Variants in DSCAML1 observed in about 807,000 individuals in gnomAD.
DSCAML1 encodes cell adhesion molecule DSCAML1.
A neutral mutation model predicts 200.5 loss-of-function variants in DSCAML1; 38 were observed. The observed-to-expected ratio is 0.19, with a 90% CI of 0.15 to 0.25. DSCAML1 has a LOEUF of 0.25. DSCAML1 is among the 10% of genes least tolerant of loss of function. The probability of loss-of-function intolerance (pLI) is 1.00; values close to 1 mark genes in which losing one functional copy is unlikely to be tolerated. For missense variants in DSCAML1, 2,223 were observed against 2,858.8 expected, an observed-to-expected ratio of 0.78 and a Z score of 5.07; for synonymous variants, 1,215 against 1,165.0, an observed-to-expected ratio of 1.04 and a Z score of -0.87.
intron 3 of DSCAML1, among the ~76,000 whole-genome samples, chr11:117,720,588 CCTT>C (rs2054026809): frequency 6.6e-6 from 1 of 152,232 alleles, no homozygotes; most frequent in African/African-American, 2.4e-5. Context: ...GCTTCCTCCT[CCTT>C]CTCACTTCCC....
At chr11:117,466,413 TAGAA>T (rs2048580595) in intron 16 of DSCAML1, among the ~76,000 whole-genome samples, 1 of 151,996 alleles carries the variant, frequency 6.6e-6, no homozygotes, top group Admixed American at 6.6e-5. Flanking sequence ...CAGAAGAAAA[TAGAA>T]AGGCCAGGTG....
At position 117,675,697 on chromosome 11, in the gene DSCAML1, C is replaced by G. The variant is rs574828521; in HGVS notation, c.511+101094G>C. Among the ~76,000 whole-genome samples, 9 of 152,032 alleles carry G rather than the reference C, an allele frequency of 5.9e-5. No homozygotes were observed. In the South Asian group the frequency reaches 1.5e-3, roughly 25 times the overall value. ...GTTGGTTTTCTAAGTGCAGGTCCCC[C>G]CTTTCCCCCCAGCAAAGGCCAAAAC... On this transcript the variant is annotated intron_variant, in intron 3 of 32. Coordinates refer to ENST00000651296, the MANE Select transcript of DSCAML1 (RefSeq NM_020693.4).
In DSCAML1 at chr11:117,588,094, C is replaced by T. The variant is rs76005099; in HGVS notation, c.512-55572G>A. ...GTTGGTGATATCAGTTCATGGAATC[C>T]TCTGACAATTCCCTGGGTTAGGTTC... On this transcript the variant is annotated intron_variant, in intron 3 of 32. Coordinates refer to ENST00000651296, the MANE Select transcript of DSCAML1 (RefSeq NM_020693.4). Among the ~76,000 whole-genome samples, 825 of 152,304 alleles carry T rather than the reference C, an allele frequency of 5.4e-3. 5 individuals are homozygous for T. The highest frequency in any genetic ancestry group is 0.035 in the South Asian group (171 of 4,822).
intron 13 of DSCAML1, 77 bp downstream of exon 13, chr11:117,481,097 C>G: frequency 7.2e-7 from 1 of 1,389,978 alleles, no homozygotes; most frequent in South Asian, 1.2e-5. Flanking sequence ...GTGGCCCCTG[C>G]TCTTTGAGGT....
intron 2 of DSCAML1, among the ~76,000 whole-genome samples, chr11:117,778,029 TG>T (rs1393367274): frequency 3.3e-5 from 5 of 152,214 alleles, no homozygotes; most frequent in Non-Finnish European, 7.4e-5. Flanking sequence ...CTTAGGGCCC[TG>T]GCAGCCCATC....
chr11:117,599,697 C>G (rs78136547), intron 3 of DSCAML1, among the ~76,000 whole-genome samples: 5,985 of 152,302 alleles, frequency 0.039, 209 homozygotes, highest in African/African-American at 0.089. Context: ...CAGGATTCAA[C>G]TCAGTAAGGG....
intron 11 of DSCAML1, among the ~76,000 whole-genome samples, chr11:117,483,144 C>T (rs1285397512): frequency 6.6e-6 from 1 of 152,220 alleles, no homozygotes; most frequent in Non-Finnish European, 1.5e-5. Context: ...AGGCAAGGGG[C>T]AGGGGAAAAA....
rs757800056 is a variant in DSCAML1, at chr11:117,458,781, C to T, written c.3541G>A (p.Val1181Met). ...TCCTCCTTGGTCTGGATGTAGAGCA[C>T]ACTGCTGCGTACGCCGTCCCCAGCC... is the stretch of plus-strand genomic sequence containing the variant. ...TQAGDGVRSS[V>M]LYIQTKEDVP... The change falls in exon 19 of 33, where the codon GTG (valine) becomes ATG (methionine). Residue 1181 changes from valine to methionine, a missense_variant. Val to Met is a conservative substitution (Grantham distance 21). Transcript: ENST00000651296. 3 of 1,613,742 alleles carry T rather than the reference C, an allele frequency of 1.9e-6. No homozygotes were observed. Among genetic ancestry groups the T allele is most frequent in the South Asian group, 2.2e-5 (2 of 91,084 alleles).
chr11:117,483,057 C>A (rs749379976), intron 11 of DSCAML1, among the ~76,000 whole-genome samples: 2 of 152,224 alleles, frequency 1.3e-5, no homozygotes, highest in Non-Finnish European at 2.9e-5. Context: ...CGGAAGCCCC[C>A]GTCCCTACTG....
intron 3 of DSCAML1, among the ~76,000 whole-genome samples, chr11:117,575,324 C>G (rs374857016): frequency 1.3e-5 from 2 of 152,198 alleles, no homozygotes; most frequent in Non-Finnish European, 2.9e-5. Flanking sequence ...AGACCCACCA[C>G]AAGCACTAGA....
intron 1 of DSCAML1, among the ~76,000 whole-genome samples, chr11:117,811,222 G>A (rs905908152): frequency 6.6e-6 from 1 of 152,078 alleles, no homozygotes; most frequent in Admixed American, 6.5e-5. Context: ...AACCCCAGCC[G>A]AGTTCATGGC....
chr11:117,750,984 C>T (rs904891181), intron 3 of DSCAML1, among the ~76,000 whole-genome samples: 6 of 152,154 alleles, frequency 3.9e-5, no homozygotes, highest in Non-Finnish European at 8.8e-5. Flanking sequence ...AGGTCACAGT[C>T]TTCCCAGGCT....
intron 18 of DSCAML1, 89 bp from the exon 19 acceptor site, chr11:117,458,998 T>G (rs1299573673): frequency 3.3e-6 from 5 of 1,503,158 alleles, no homozygotes; most frequent in Non-Finnish European, 4.5e-6. Context: ...TGCCCACACC[T>G]ACTGCACAGG....
chr11:117,442,214 AGT>A lies in DSCAML1; in HGVS notation c.3862+1670_3862+1671del, dbSNP rs562716025. On this transcript the variant is annotated intron_variant, in intron 21 of 32. Transcript: ENST00000651296. ...ATGTGTGTGCATGTGTGCATGTATT[AGT>A]GTGTCTAGTGTGTGTGTGCGTGTGT... 6.8e-3 allele frequency among the ~76,000 whole-genome samples: 913 copies of A among 133,926 alleles called. 4 individuals carry two copies. The highest frequency in any genetic ancestry group is 8.1e-3 in the Non-Finnish European group (506 of 62,448). The allele number at this position is 133,926 out of a possible 152,430, so 87.9% of individuals were successfully genotyped here.
chr11:117,561,584 C>CTCCTCTCG (rs2050664713), intron 3 of DSCAML1, among the ~76,000 whole-genome samples: 1 of 152,194 alleles, frequency 6.6e-6, no homozygotes, highest in Non-Finnish European at 1.5e-5. Flanking sequence ...TTCTCCTCTC[C>CTCCTCTCG]TCTCCTCTCC....
At chr11:117,659,104 T>C (rs1383199051) in intron 3 of DSCAML1, among the ~76,000 whole-genome samples, 1 of 152,244 alleles carries the variant, frequency 6.6e-6, no homozygotes. Context: ...TCAGAGTTCC[T>C]GGGAGCAAGA....
chr11:117,785,592 C>T (rs1486801346), intron 1 of DSCAML1, among the ~76,000 whole-genome samples: 2 of 152,106 alleles, frequency 1.3e-5, no homozygotes, highest in Non-Finnish European at 2.9e-5. Flanking sequence ...GGTTTGCAAG[C>T]TTAGGAAAGC....
intron 8 of DSCAML1, among the ~76,000 whole-genome samples, chr11:117,512,504 G>A (rs1262310563): frequency 1.3e-5 from 2 of 152,152 alleles, no homozygotes; most frequent in African/African-American, 2.4e-5. Flanking sequence ...GTGGGGGCAC[G>A]TCCCAGAGCC....
chr11:117,628,336 C>G (rs952405834), intron 3 of DSCAML1, among the ~76,000 whole-genome samples: 2 of 152,214 alleles, frequency 1.3e-5, no homozygotes, highest in Admixed American at 6.5e-5. Flanking sequence ...TGGGGAGCGG[C>G]TGATCCTCAT....
Sources: gnomAD v4.1 joint callset for allele counts (sites outside exome capture counted in the v4.1 genomes callset) on GRCh38, gnomAD v4.1.1 for gene constraint, MANE v1.5 for transcripts, NCBI Gene and HGNC (gene_info 2026-07-23, HGNC 2026-07-21) for gene names.